Variants in CRISP3 observed in about 807,000 individuals in gnomAD.
CRISP3 encodes the protein cysteine rich secretory protein 3.
CRISP3 carries 33 observed loss-of-function variants against 36.1 expected under a neutral mutation model. The observed-to-expected ratio is 0.91, with a 90% CI of 0.69 to 1.22. CRISP3 has a LOEUF of 1.22. Ranked by LOEUF, CRISP3 falls within the 50% of genes most tolerant of loss-of-function variation. The pLI is 0.00. For missense variants in CRISP3, 330 were observed against 301.2 expected (o/e 1.10, Z -0.71); for synonymous variants, 117 against 104.6 (o/e 1.12, Z -0.72).
At chr6:49,734,468 G>A (rs1379193811) in intron 4 of CRISP3, among the ~76,000 whole-genome samples, 3 of 152,054 alleles carry the variant, frequency 2.0e-5, no homozygotes, top group Non-Finnish European at 4.4e-5. Flanking sequence ...GGAAAAAAGT[G>A]CCTTGCAGCC....
At chr6:49,742,531 C>A (rs1336786724) in intron 1 of CRISP3, among the ~76,000 whole-genome samples, 1 of 148,742 alleles carries the variant, frequency 6.7e-6, no homozygotes, top group Non-Finnish European at 1.5e-5. Context: ...ACTGGGGAGG[C>A]TGAGGCAGGA....
At position 49,735,415 on chromosome 6, in the gene CRISP3, A is replaced by G. The variant is rs1379930664; in HGVS notation, c.316+89T>C. The G allele has an allele frequency of 1.3e-5, 13 of 979,278 alleles. No individual in the cohort carries two copies. The East Asian group carries it at 2.7e-4, about 20-fold the overall frequency. 60.7% of individuals were successfully genotyped at this position (979,278 alleles called of 1,614,324 possible). On this transcript the variant is annotated intron_variant, in intron 4 of 7. Coordinates refer to ENST00000263045, the MANE Select transcript of CRISP3 (RefSeq NM_006061.4). ...AAAGGTAGCATTAGAAGCAATATTT[A>G]TTTACAAACTTTTCTTAATGCAACA...
At chr6:49,740,111 A>G (rs1769160911) in intron 1 of CRISP3, among the ~76,000 whole-genome samples, 1 of 152,226 alleles carries the variant, frequency 6.6e-6, no homozygotes, top group Non-Finnish European at 1.5e-5. Flanking sequence ...TGAAGCATAA[A>G]TGTATATAAT....
chr6:49,731,435 C>T (rs1768915056), intron 6 of CRISP3, among the ~76,000 whole-genome samples, 184 bp from the exon 7 acceptor site: 1 of 152,130 alleles, frequency 6.6e-6, no homozygotes, highest in South Asian at 2.1e-4. Context: ...ATAATTCACA[C>T]ATTCATTCAC....
rs60504565 is a variant in CRISP3, at chr6:49,728,975, T to C, written c.650-118A>G. On this transcript the variant is annotated intron_variant, in intron 7 of 7. Coordinates refer to ENST00000263045, the MANE Select transcript of CRISP3 (RefSeq NM_006061.4). ...GAAGTGAGCAAACAAGTTGAGATTATTACACTAAGATGGCCATTTTATATC... is the reference window on the plus strand; with the variant it reads ...GAAGTGAGCAAACAAGTTGAGATTACTACACTAAGATGGCCATTTTATATC... 6,596 of 913,290 alleles carry C rather than the reference T, an allele frequency of 7.2e-3. 312 individuals carry two copies. In the African/African-American group the frequency reaches 0.096, roughly 13 times the overall value. The allele number at this position is 913,290 out of a possible 1,614,324, so 56.6% of individuals were successfully genotyped here.
chr6:49,738,426 G>A (rs1769115736), intron 1 of CRISP3, among the ~76,000 whole-genome samples: 1 of 152,126 alleles, frequency 6.6e-6, no homozygotes, highest in South Asian at 2.1e-4. Context: ...ATGCTTCAGT[G>A]TTAAGTTTAA....
At chr6:49,740,789 A>G (rs1769179257) in intron 1 of CRISP3, among the ~76,000 whole-genome samples, 1 of 152,148 alleles carries the variant, frequency 6.6e-6, no homozygotes, top group Non-Finnish European at 1.5e-5. Flanking sequence ...GCAAAGTAGC[A>G]TCGAAGAACT....
At chr6:49,731,987 G>A (rs530357240) in intron 6 of CRISP3, among the ~76,000 whole-genome samples, 15 of 152,154 alleles carry the variant, frequency 9.9e-5, no homozygotes, top group African/African-American at 2.6e-4. Flanking sequence ...TTTTCCTATC[G>A]GTAATTATCA....
At chr6:49,731,578 C>G (rs521489) in intron 6 of CRISP3, among the ~76,000 whole-genome samples, 21,344 of 152,026 alleles carry the variant, frequency 0.14, 1,672 homozygotes, top group African/African-American at 0.21. Context: ...AGATGATGTA[C>G]CACAAGGTGC....
At chr6:49,741,294 A>G (rs1202169799) in intron 1 of CRISP3, among the ~76,000 whole-genome samples, 3 of 152,106 alleles carry the variant, frequency 2.0e-5, no homozygotes, top group Non-Finnish European at 2.9e-5. Context: ...TAGCTTGACT[A>G]CTTCCTCCCA....
At chr6:49,729,727 T>C (rs1170822442) in intron 7 of CRISP3, among the ~76,000 whole-genome samples, 1 of 152,200 alleles carries the variant, frequency 6.6e-6, no homozygotes, top group African/African-American at 2.4e-5. Context: ...CCGACTGTTC[T>C]ATTTTCTTCC....
chr6:49,732,246 C>T (rs1768932416), intron 6 of CRISP3, among the ~76,000 whole-genome samples: 1 of 152,192 alleles, frequency 6.6e-6, no homozygotes, highest in Non-Finnish European at 1.5e-5. Flanking sequence ...CATTTGGAGG[C>T]AGTCTCCCAG....
intron 3 of CRISP3, 48 bp downstream of exon 3, chr6:49,736,343 C>T: frequency 1.6e-6 from 2 of 1,237,670 alleles, no homozygotes; most frequent in Non-Finnish European, 2.3e-6. Flanking sequence ...CCGCCTACTC[C>T]TTCCACAGCT....
At position 49,740,363 on chromosome 6, in the gene CRISP3, A is replaced by G. The variant is rs189215568; in HGVS notation, c.38-2965T>C. ...AAATTTGCTTAGTGCTAAGAGAAGA[A>G]TTAATCAAATGGTCTATTTATAAAG... On this transcript the variant is annotated intron_variant, in intron 1 of 7. Coordinates refer to ENST00000263045, the MANE Select transcript of CRISP3 (RefSeq NM_006061.4). 4.1e-3 allele frequency among the ~76,000 whole-genome samples: 623 copies of G among 152,350 alleles called. 5 individuals carry two copies. Among genetic ancestry groups the G allele is most frequent in the African/African-American group, 0.014 (587 of 41,572 alleles).
chr6:49,735,723 G>A, intron 3 of CRISP3, 132 bp from the exon 4 acceptor site: 1 of 562,686 alleles, frequency 1.8e-6, no homozygotes, highest in Non-Finnish European at 3.1e-6. Flanking sequence ...GATTTTTATA[G>A]TAATCAAATG....
Position 49,735,518 on chromosome 6 carries a change from T to C in CRISP3, c.302A>G (p.Lys101Arg). ...NQCNYRHSNP[K>R]DRMTSLKCGE... The stretch of plus-strand genomic sequence containing the variant: ...AATTTACATACTTGTCATTCGATCC[T>C]TTGGGTTACTGTGTCTGTAATTGCA... Residue 101 changes from lysine (K) to arginine (R), a missense_variant, in exon 4 of 8, where the codon AAG becomes AGG. Transcript: ENST00000263045. 6.2e-7 allele frequency: 1 copy of C among 1,609,628 alleles called. No individual in the cohort carries two copies. Among genetic ancestry groups the C allele is most frequent in the Non-Finnish European group, 8.5e-7 (1 of 1,177,192 alleles).
chr6:49,742,135 A>G (rs1377123811), intron 1 of CRISP3, among the ~76,000 whole-genome samples: 18 of 151,954 alleles, frequency 1.2e-4, no homozygotes, highest in Non-Finnish European at 5.9e-5. Context: ...AAACAACAAA[A>G]CAAATTTAAA....
intron 6 of CRISP3, 67 bp from the exon 7 acceptor site, chr6:49,731,318 T>A: frequency 1.1e-6 from 1 of 893,502 alleles, no homozygotes; most frequent in Non-Finnish European, 1.8e-6. Flanking sequence ...CCAAGGTTAG[T>A]ATCAGTCACC....
chr6:49,736,538 T>A, intron 2 of CRISP3, 31 bp from the exon 3 acceptor site: 1 of 1,471,272 alleles, frequency 6.8e-7, no homozygotes, highest in Non-Finnish European at 9.5e-7. Flanking sequence ...AATTATCTTT[T>A]AACATTGTTG....
Sources: allele counts gnomAD v4.1 joint callset (sites outside exome capture counted in the v4.1 genomes callset), GRCh38; gene constraint gnomAD v4.1.1; transcripts MANE v1.5; gene names NCBI Gene and HGNC (gene_info 2026-07-23, HGNC 2026-07-21).